Variants in NCAM2 observed in about 807,000 individuals in gnomAD.
NCAM2 encodes the protein N-CAM-2.
NCAM2 carries 30 observed loss-of-function variants against 98.1 expected under a neutral mutation model. That is an observed-to-expected ratio of 0.31 (90% CI 0.23 to 0.41). The LOEUF is 0.41. NCAM2 is among the 10% of genes least tolerant of loss of function. The pLI, the probability that NCAM2 is intolerant of heterozygous loss-of-function variation, is 1.00. For missense variants in NCAM2, 867 were observed against 1,005.8 expected (o/e 0.86, Z 1.87); for synonymous variants, 368 against 342.4 (o/e 1.07, Z -0.83).
chr21:21,314,562 C>G (rs1366013495), intron 5 of NCAM2, among the ~76,000 whole-genome samples: 1 of 152,204 alleles, frequency 6.6e-6, no homozygotes, highest in Middle Eastern at 3.4e-3. Context: ...TATATACCTA[C>G]ATTATTTTGT....
intron 1 of NCAM2, among the ~76,000 whole-genome samples, chr21:21,046,300 G>A (rs950249781): frequency 2.0e-5 from 3 of 152,070 alleles, no homozygotes; most frequent in Non-Finnish European, 4.4e-5. Context: ...AAATGGCAGG[G>A]GATTAGCATT....
intron 1 of NCAM2, among the ~76,000 whole-genome samples, chr21:21,181,253 T>C (rs1401021351): frequency 6.6e-6 from 1 of 152,178 alleles, no homozygotes; most frequent in Non-Finnish European, 1.5e-5. Context: ...TTTTATCATC[T>C]TTAATATATA....
At chr21:21,063,358 C>G (rs1177171118) in intron 1 of NCAM2, among the ~76,000 whole-genome samples, 1 of 151,054 alleles carries the variant, frequency 6.6e-6, no homozygotes, top group Non-Finnish European at 1.5e-5. Flanking sequence ...GTAGCTGGGT[C>G]TACAGGCATG....
intron 1 of NCAM2, among the ~76,000 whole-genome samples, chr21:21,229,654 A>G (rs2070540708): frequency 6.6e-6 from 1 of 151,370 alleles, no homozygotes; most frequent in Non-Finnish European, 1.5e-5. Flanking sequence ...TTAAGTGCTT[A>G]TTTCATTATC....
chr21:21,049,177 G>T (rs554869186), intron 1 of NCAM2, among the ~76,000 whole-genome samples: 1 of 142,862 alleles, frequency 7.0e-6, no homozygotes, highest in Non-Finnish European at 1.5e-5. Flanking sequence ...CCGCCACCGC[G>T]CCCGGCTAAT....
chr21:21,069,157 G>A (rs145048313), intron 1 of NCAM2, among the ~76,000 whole-genome samples: 4 of 152,248 alleles, frequency 2.6e-5, no homozygotes, highest in African/African-American at 9.6e-5. Flanking sequence ...TACATTGTGT[G>A]TTATGTCCCC....
intron 1 of NCAM2, among the ~76,000 whole-genome samples, chr21:21,256,081 G>T (rs113194163): frequency 6.6e-6 from 1 of 152,014 alleles, no homozygotes; most frequent in African/African-American, 2.4e-5. Flanking sequence ...CTGGCTGGGC[G>T]CAGTGGCTCA....
intron 1 of NCAM2, among the ~76,000 whole-genome samples, chr21:21,064,078 A>G (rs1038585182): frequency 2.0e-5 from 3 of 152,204 alleles, no homozygotes; most frequent in Non-Finnish European, 4.4e-5. Flanking sequence ...TAGAAGGAGC[A>G]GAGTGTGTGA....
intron 15 of NCAM2, among the ~76,000 whole-genome samples, chr21:21,480,676 A>T (rs1985796738): frequency 6.6e-6 from 1 of 152,238 alleles, no homozygotes; most frequent in Non-Finnish European, 1.5e-5. Context: ...GAAAAGTTGT[A>T]TGAAGAGATA....
rs146196329 is a variant in NCAM2, at chr21:21,441,749, C to A, written c.1654+9468C>A. 1.2e-3 allele frequency among the ~76,000 whole-genome samples: 165 copies of A among 142,598 alleles called. 4 individuals are homozygous for A. The East Asian group carries it at 0.029, about 25-fold the overall frequency. 93.5% of individuals were successfully genotyped at this position (142,598 alleles called of 152,430 possible). On this transcript the variant is annotated intron_variant, in intron 12 of 17. Transcript: ENST00000400546. ...TGAACGTGGTATCCTGGAGGAAAGC[C>A]TCCCAGGCAGAGTTAAGCTGCTAAC... is the stretch of plus-strand genomic sequence containing the variant.
At chr21:21,171,579 T>G (rs2068125899) in intron 1 of NCAM2, among the ~76,000 whole-genome samples, 1 of 152,184 alleles carries the variant, frequency 6.6e-6, no homozygotes, top group Admixed American at 6.5e-5. Flanking sequence ...TGTGTTGTTT[T>G]TCTTAACCAC....
intron 1 of NCAM2, among the ~76,000 whole-genome samples, chr21:21,208,244 C>G (rs2069517045): frequency 6.6e-6 from 1 of 152,036 alleles, no homozygotes; most frequent in Non-Finnish European, 1.5e-5. Flanking sequence ...TGGAATGTAA[C>G]AATGGACAAT....
chr21:21,144,666 T>A (rs966283770), intron 1 of NCAM2, among the ~76,000 whole-genome samples: 6 of 152,086 alleles, frequency 3.9e-5, no homozygotes, highest in African/African-American at 1.4e-4. Context: ...CCCCTTGAAA[T>A]ACAAGAGAAA....
chr21:21,286,741 T>TA (rs552957457), intron 4 of NCAM2, among the ~76,000 whole-genome samples: 1 of 151,476 alleles, frequency 6.6e-6, no homozygotes, highest in African/African-American at 2.4e-5. Flanking sequence ...ATCGTTAGCC[T>TA]AAAAAAAATA....
intron 1 of NCAM2, among the ~76,000 whole-genome samples, chr21:21,049,121 C>T (rs1029305806): frequency 5.7e-5 from 6 of 105,954 alleles, no homozygotes; most frequent in African/African-American, 2.2e-4. Flanking sequence ...CGGGTTCACG[C>T]CATTCTCCTG....
At chr21:21,198,276 G>A (rs1234872244) in intron 1 of NCAM2, among the ~76,000 whole-genome samples, 1 of 150,152 alleles carries the variant, frequency 6.7e-6, no homozygotes, top group Admixed American at 6.7e-5. Context: ...ATAGTTAACT[G>A]GATTCTATCA....
intron 1 of NCAM2, among the ~76,000 whole-genome samples, chr21:21,000,376 C>T (rs1038810506): frequency 2.6e-5 from 4 of 152,114 alleles, no homozygotes; most frequent in African/African-American, 9.7e-5. Flanking sequence ...AGAAAAATGT[C>T]TCAGTTGTGG....
At chr21:21,350,361 A>G (rs1191412591) in intron 8 of NCAM2, among the ~76,000 whole-genome samples, 1 of 152,186 alleles carries the variant, frequency 6.6e-6, no homozygotes, top group Admixed American at 6.6e-5. Context: ...CTCACTAACT[A>G]CGATGTGTTC....
intron 1 of NCAM2, among the ~76,000 whole-genome samples, chr21:21,133,703 C>T (rs2066983163): frequency 6.6e-6 from 1 of 152,148 alleles, no homozygotes; most frequent in Admixed American, 6.5e-5. Context: ...GAATGATGTG[C>T]AGTATTTTCA....
Sources: gnomAD v4.1 joint callset for allele counts (sites outside exome capture counted in the v4.1 genomes callset) on GRCh38, gnomAD v4.1.1 for gene constraint, MANE v1.5 for transcripts, NCBI Gene and HGNC (gene_info 2026-07-23, HGNC 2026-07-21) for gene names.